Variants in S100A16 observed in about 807,000 individuals in gnomAD.
S100A16 encodes S100 calcium binding protein A16.
A neutral mutation model predicts 9.0 loss-of-function variants in S100A16; 8 were observed. That is an observed-to-expected ratio of 0.89 (90% CI 0.52 to 1.60). S100A16 has a LOEUF of 1.60. Ranked by LOEUF, S100A16 falls within the 40% of genes most tolerant of loss-of-function variation. The pLI, the probability that S100A16 is intolerant of heterozygous loss-of-function variation, is 0.00. For synonymous variants in S100A16, 51 were observed against 51.4 expected, an observed-to-expected ratio of 0.99 and a Z score of 0.04; for missense variants, 138 against 132.4, an observed-to-expected ratio of 1.04 and a Z score of -0.21.
intron 2 of S100A16, 21 bp downstream of exon 2, chr1:153,607,978 C>T (rs755050362): frequency 1.1e-5 from 18 of 1,612,104 alleles, no homozygotes; most frequent in Non-Finnish European, 1.4e-5. Context: ...GGAGGCAAGG[C>T]CCTTGGGTGA....
rs372122132 is a variant in S100A16 at position 153,607,491 on chromosome 1, G to A, written c.*43C>T. On this transcript the variant is annotated 3_prime_UTR_variant, in exon 3 of 3. Transcript: ENST00000368706. The stretch of plus-strand genomic sequence containing the variant: ...GGGAGCCTGGGGAGAGCACCAGGGC[G>A]GGGCATCAGGCCAGTGCCTGGAAGG... 2.5e-5 allele frequency: 41 copies of A among 1,611,318 alleles called. No homozygotes were observed. The highest frequency in any genetic ancestry group is 3.1e-5 in the Non-Finnish European group (37 of 1,178,514).
At chr1:153,610,034 G>T (rs1284536295) in intron 1 of S100A16, among the ~76,000 whole-genome samples, 1 of 152,214 alleles carries the variant, frequency 6.6e-6, no homozygotes, top group Non-Finnish European at 1.5e-5. Flanking sequence ...TTTTATTTAA[G>T]TGTGTAACTG....
rs1483291276 is a variant in S100A16, at chr1:153,607,289, C to A, written c.*245G>T. 6.9e-6 allele frequency: 4 copies of A among 581,866 alleles called. No homozygotes were observed. The highest frequency in any genetic ancestry group is 1.2e-5 in the Non-Finnish European group (4 of 326,206). The allele number at this position is 581,866 out of a possible 1,614,324, so 36.0% of individuals were successfully genotyped here. A position where few individuals can be genotyped will look rare whatever the true frequency, so the allele number is the denominator to read the frequency against. On this transcript the variant is annotated 3_prime_UTR_variant, in exon 3 of 3. Transcript: ENST00000368706. The stretch of plus-strand genomic sequence containing the variant: ...GAAAACTCTTAGGGTCCCCAGACAG[C>A]ATTGAGATCTCACAGAGGGGCCCCA...
At chr1:153,612,207 C>T (rs1666852191) in intron 1 of S100A16, among the ~76,000 whole-genome samples, 1 of 152,152 alleles carries the variant, frequency 6.6e-6, no homozygotes, top group Non-Finnish European at 1.5e-5. Flanking sequence ...ACCATCCCCA[C>T]TGGGCTGGGC....
chr1:153,612,614 C>A (rs544944201), intron 1 of S100A16, among the ~76,000 whole-genome samples: 1 of 152,140 alleles, frequency 6.6e-6, no homozygotes, highest in African/African-American at 2.4e-5. Flanking sequence ...CAGACCAACA[C>A]GCATTTGTCC....
At chr1:153,611,153 C>T (rs1404158057) in intron 1 of S100A16, among the ~76,000 whole-genome samples, 1 of 146,610 alleles carries the variant, frequency 6.8e-6, no homozygotes, top group Non-Finnish European at 1.5e-5. Flanking sequence ...CCCCACCCAC[C>T]TCAGCCCAGC....
At chr1:153,607,805 A>G (rs1011285922) in intron 2 of S100A16, 113 bp from the exon 3 acceptor site, 1 of 1,379,646 alleles carries the variant, frequency 7.2e-7, no homozygotes, top group African/African-American at 1.4e-5. Flanking sequence ...CCCTTGGGAA[A>G]TGCAAATATA....
At chr1:153,609,406 A>T (rs904777036) in intron 1 of S100A16, 79 of 977,758 alleles carry the variant, frequency 8.1e-5, no homozygotes, top group Non-Finnish European at 9.1e-5. Flanking sequence ...CGCCCAAGCC[A>T]CGCCTCCGAA....
At position 153,609,175 on chromosome 1, in the gene S100A16, C is replaced by T. The variant is rs909786305; in HGVS notation, c.-26-998G>A. 6.1e-6 allele frequency: 6 copies of T among 985,482 alleles called. No homozygotes were observed. The East Asian group carries it at 5.7e-4, about 93-fold the overall frequency. The allele number at this position is 985,482 out of a possible 1,614,324, so 61.0% of individuals were successfully genotyped here. ...CCCAGGAATGTGCTCCAGTCACCCT[C>T]ACCCGGCGGGTCCTGGTGAAAGGAG... On this transcript the variant is annotated intron_variant, in intron 1 of 2. Transcript: ENST00000368706.
chr1:153,608,069 A>G lies in S100A16; in HGVS notation c.83T>C (p.Leu28Pro), dbSNP rs1322704306. 1 of 1,614,100 alleles carries G rather than the reference A, an allele frequency of 6.2e-7. No homozygotes were observed. The highest frequency in any genetic ancestry group is 1.1e-5 in the South Asian group (1 of 91,088). ...NFYKYVSKYS[L>P]VKNKISKSSF... ...GCTCTTGCTGATCTTGTTCTTGACCAGGCTGTACTTAGACACATATTTGTA... is the reference window on the plus strand; with the variant it reads ...GCTCTTGCTGATCTTGTTCTTGACCGGGCTGTACTTAGACACATATTTGTA... Residue 28 changes from leucine to proline, a missense_variant, in exon 2 of 3, where the codon CTG becomes CCG. By Grantham distance (98) the Leu-to-Pro change is moderately conservative. Coordinates refer to ENST00000368706, the MANE Select transcript of S100A16 (RefSeq NM_080388.3).
In S100A16 at chr1:153,607,226, A is replaced by G; in HGVS notation, c.*308T>C. The G allele has an allele frequency of 2.1e-6, 1 of 475,274 alleles. No individual in the cohort carries two copies. Among genetic ancestry groups the G allele is most frequent in the Non-Finnish European group, 3.9e-6 (1 of 256,384 alleles). 29.4% of individuals were successfully genotyped at this position (475,274 alleles called of 1,614,324 possible). A position where few individuals can be genotyped will look rare whatever the true frequency, so the allele number is the denominator to read the frequency against. On this transcript the variant is annotated 3_prime_UTR_variant, in exon 3 of 3. Transcript: ENST00000368706. ...AATCAGGCAGGAATTTGGCAGGAAC[A>G]TCAGACATTGGAAGGTTAGATGAGA...
In S100A16 at chr1:153,607,122, C is replaced by T. The variant is rs1666706610; in HGVS notation, c.*412G>A. 5 of 448,454 alleles carry T rather than the reference C, an allele frequency of 1.1e-5. No homozygotes were observed. Among genetic ancestry groups the T allele is most frequent in the South Asian group, 1.6e-5 (1 of 62,000 alleles). 27.8% of individuals were successfully genotyped at this position (448,454 alleles called of 1,614,324 possible). The stretch of plus-strand genomic sequence containing the variant: ...GCTGCTGCTGCTGCTGCTGCTGCTG[C>T]TGTTGCTGCTACCACTGCCACCAAG... On this transcript the variant is annotated 3_prime_UTR_variant, in exon 3 of 3. Transcript: ENST00000368706.
chr1:153,607,660 G>T lies in S100A16; in HGVS notation c.186C>A (p.Leu62=), dbSNP rs761901567. Residue 62 remains leucine (L), a synonymous_variant, in exon 3 of 3, where the codon CTC becomes CTA. Transcript: ENST00000368706. Reference sequence around the variant, plus strand: ...CATGATTGGCATCCAGGTTCTGGATGAGCTTATCCGCAGCCTTCCGGTTCC... The same window carrying T: ...CATGATTGGCATCCAGGTTCTGGATTAGCTTATCCGCAGCCTTCCGGTTCC... ...DTGNRKAADK[L]IQNLDANHDG... The T allele has an allele frequency of 1.2e-6, 2 of 1,614,196 alleles. No individual in the cohort carries two copies. The highest frequency in any genetic ancestry group is 1.7e-6 in the Non-Finnish European group (2 of 1,180,014).
rs754252097 is a variant in S100A16 at position 153,607,658 on chromosome 1, A to G, written c.188T>C (p.Ile63Thr). 8 of 1,614,142 alleles carry G rather than the reference A, an allele frequency of 5.0e-6. No homozygotes were observed. The highest frequency in any genetic ancestry group is 2.2e-5 in the South Asian group (2 of 91,090). ...ATCATGATTGGCATCCAGGTTCTGGATGAGCTTATCCGCAGCCTTCCGGTT... is the reference window on the plus strand; with the variant it reads ...ATCATGATTGGCATCCAGGTTCTGGGTGAGCTTATCCGCAGCCTTCCGGTT... ...TGNRKAADKL[I>T]QNLDANHDGR... The change falls in exon 3 of 3, where the codon ATC becomes ACC. Residue 63 changes from isoleucine (I) to threonine (T), a missense_variant. Transcript: ENST00000368706.
chr1:153,611,856 G>GTTGTGAGGTAACCC (rs56366330), intron 1 of S100A16, among the ~76,000 whole-genome samples: 1 of 150,714 alleles, frequency 6.6e-6, no homozygotes, highest in Non-Finnish European at 1.5e-5. Flanking sequence ...GGCCTGCTTG[G>GTTGTGAGGTAACCC]CCCTGCCTCA....
chr1:153,613,120 G>C lies in S100A16; in HGVS notation c.-195C>G, dbSNP rs1416964358. The C allele has an allele frequency of 6.6e-6, 1 of 152,470 alleles. No individual in the cohort carries two copies. Among genetic ancestry groups the C allele is most frequent in the Non-Finnish European group, 1.5e-5 (1 of 68,276 alleles). The allele number at this position is 152,470 out of a possible 1,614,324, so 9.4% of individuals were successfully genotyped here. On this transcript the variant is annotated 5_prime_UTR_variant, in exon 1 of 3. Transcript: ENST00000368706. ...GCTGAGCTGGCTCGGTGGGGAGATA[G>C]TGGCTGAGCTCCTTCTTGACTTGGC...
intron 2 of S100A16, 70 bp downstream of exon 2, chr1:153,607,929 C>T (rs1238084633): frequency 3.9e-5 from 59 of 1,516,856 alleles, no homozygotes; most frequent in Non-Finnish European, 4.4e-5. Context: ...GAAAGACACC[C>T]TCAGAGGCCA....
In S100A16 at chr1:153,607,634, T is replaced by C; in HGVS notation, c.212A>G (p.Asp71Gly). The C allele has an allele frequency of 6.2e-7, 1 of 1,614,160 alleles. No homozygotes were observed. Among genetic ancestry groups the C allele is most frequent in the East Asian group, 2.2e-5 (1 of 44,884 alleles). ...KLIQNLDANH[D>G]GRISFDEYWT... ...GTACTCATCGAAGCTGATGCGCCCA[T>C]CATGATTGGCATCCAGGTTCTGGAT... The change falls in exon 3 of 3, where the codon GAT becomes GGT. Residue 71 changes from aspartate to glycine, a missense_variant. Transcript: ENST00000368706.
At chr1:153,609,809 A>G (rs773989150) in intron 1 of S100A16, among the ~76,000 whole-genome samples, 1 of 152,060 alleles carries the variant, frequency 6.6e-6, no homozygotes, top group Non-Finnish European at 1.5e-5. Context: ...TTTTTCTTTC[A>G]TGAAGCCTCT....
Sources: gnomAD v4.1 joint callset for allele counts (sites outside exome capture counted in the v4.1 genomes callset) on GRCh38, gnomAD v4.1.1 for gene constraint, MANE v1.5 for transcripts, NCBI Gene and HGNC (gene_info 2026-07-23, HGNC 2026-07-21) for gene names.